Variants in PCDHA10 observed in about 807,000 individuals in gnomAD.
PCDHA10 encodes the protein protocadherin alpha-10.
Under a neutral mutation model 61.2 loss-of-function variants are expected in PCDHA10, and 45 were observed. The ratio of observed to expected loss-of-function variants is 0.74; its 90% CI spans 0.58 to 0.94. The LOEUF (loss-of-function observed/expected upper bound fraction) is 0.94. Among genes scored for constraint, PCDHA10 ranks in the 40% least tolerant of loss-of-function variants. The pLI is 0.00. For synonymous variants in PCDHA10, 602 were observed against 548.8 expected, an observed-to-expected ratio of 1.10 and a Z score of -1.35; for missense variants, 1,278 against 1,236.2, an observed-to-expected ratio of 1.03 and a Z score of -0.51.
rs1230491450 is a variant in PCDHA10 at position 140,857,532 on chromosome 5, AGCGGCG to A, written c.1486_1491del (p.Arg496_Arg497del). On this transcript the variant is annotated inframe_deletion, in exon 1 of 4. Coordinates refer to ENST00000307360, the MANE Select transcript of PCDHA10 (RefSeq NM_018901.4). ...GCCCTGGTGTCCTACTCTCTGGTGG[AGCGGCG>A]GTTGGGCGAGCGCTCGCTGTCGAGC... 2 of 1,597,258 alleles carry A rather than the reference AGCGGCG, an allele frequency of 1.3e-6. No homozygotes were observed. The highest frequency in any genetic ancestry group is 2.7e-5 in the African/African-American group (2 of 74,368).
intron 1 of PCDHA10, among the ~76,000 whole-genome samples, chr5:140,891,046 C>T (rs576145840): frequency 6.6e-6 from 1 of 152,270 alleles, no homozygotes; most frequent in African/African-American, 2.4e-5. Context: ...GTGACCCCCA[C>T]AGCACATAGT....
intron 1 of PCDHA10, among the ~76,000 whole-genome samples, chr5:140,923,970 C>T (rs2081601306): frequency 2.6e-5 from 4 of 152,220 alleles, no homozygotes; most frequent in Admixed American, 2.6e-4. Flanking sequence ...TATACCCACA[C>T]ATACTATCCC....
intron 1 of PCDHA10, among the ~76,000 whole-genome samples, chr5:140,935,276 T>TA (rs1447867343): frequency 6.6e-6 from 1 of 152,226 alleles, no homozygotes; most frequent in African/African-American, 2.4e-5. Flanking sequence ...ACTAATCTAA[T>TA]AAAGTTCAGC....
chr5:140,861,768 T>TACCA (rs3834243), intron 1 of PCDHA10: 106,057 of 158,892 alleles, frequency 0.67, 35,632 homozygotes, highest in African/African-American at 0.71. Flanking sequence ...TCCCTGGAAA[T>TACCA]ACCAAGAGCA....
intron 1 of PCDHA10, chr5:140,868,931 G>C: frequency 9.2e-7 from 1 of 1,092,440 alleles, no homozygotes; most frequent in Non-Finnish European, 1.3e-6. Context: ...TCATTTAAAG[G>C]TTGGTCTGAA....
At chr5:140,872,910 T>C (rs2053978401) in intron 1 of PCDHA10, among the ~76,000 whole-genome samples, 2 of 152,232 alleles carry the variant, frequency 1.3e-5, no homozygotes, top group African/African-American at 4.8e-5. Context: ...CTCTATCTTG[T>C]AATGCCTTAT....
At chr5:140,993,831 T>C (rs2097584101) in intron 3 of PCDHA10, among the ~76,000 whole-genome samples, 1 of 152,190 alleles carries the variant, frequency 6.6e-6, no homozygotes, top group South Asian at 2.1e-4. Flanking sequence ...CTATACCATA[T>C]AGCCTAGGTA....
intron 1 of PCDHA10, among the ~76,000 whole-genome samples, chr5:140,944,291 G>T (rs155813): frequency 6.6e-6 from 1 of 151,928 alleles, no homozygotes; most frequent in African/African-American, 2.4e-5. Flanking sequence ...GGGCTCAAGC[G>T]ATCCTCCTAC....
chr5:140,957,746 AG>A (rs1173855054), intron 1 of PCDHA10, among the ~76,000 whole-genome samples: 1 of 152,136 alleles, frequency 6.6e-6, no homozygotes, highest in Non-Finnish European at 1.5e-5. Flanking sequence ...CTGACATGAA[AG>A]GATGTTCATT....
chr5:140,985,801 A>G (rs2097171670), intron 3 of PCDHA10, among the ~76,000 whole-genome samples: 1 of 135,588 alleles, frequency 7.4e-6, no homozygotes, highest in Admixed American at 8.6e-5. Flanking sequence ...GTGCAGTGGC[A>G]CGATCTCAGC....
At chr5:140,943,479 TAATA>T (rs1447671932) in intron 1 of PCDHA10, among the ~76,000 whole-genome samples, 1 of 151,960 alleles carries the variant, frequency 6.6e-6, no homozygotes, top group African/African-American at 2.4e-5. Context: ...TACAGTAAAA[TAATA>T]AATAGATGCT....
chr5:140,972,350 A>G (rs897251940), intron 1 of PCDHA10, among the ~76,000 whole-genome samples: 3 of 150,008 alleles, frequency 2.0e-5, no homozygotes, highest in Admixed American at 1.3e-4. Flanking sequence ...GGGTCTCACT[A>G]TGTTGCACAT....
intron 1 of PCDHA10, among the ~76,000 whole-genome samples, chr5:140,923,958 T>C (rs1447655640): frequency 1.3e-5 from 2 of 152,216 alleles, no homozygotes; most frequent in Admixed American, 6.5e-5. Context: ...CACGCCCTAA[T>C]CTATACCCAC....
chr5:140,869,388 G>C lies in PCDHA10; in HGVS notation c.2388+10952G>C, dbSNP rs529836794. On this transcript the variant is annotated intron_variant, in intron 1 of 3. Transcript: ENST00000307360. Reference sequence around the variant, plus strand: ...ATTCTCGGATCGACCGCGAGGAGCTGTGCGGGCAGAGCGCGGAGTGCAGCA... The same window carrying C: ...ATTCTCGGATCGACCGCGAGGAGCTCTGCGGGCAGAGCGCGGAGTGCAGCA... 3.7e-6 allele frequency: 6 copies of C among 1,614,204 alleles called. No homozygotes were observed. The African/African-American group carries it at 6.7e-5, about 18-fold the overall frequency.
chr5:140,939,340 A>G (rs1337369012), intron 1 of PCDHA10, among the ~76,000 whole-genome samples: 1 of 152,178 alleles, frequency 6.6e-6, no homozygotes, highest in Non-Finnish European at 1.5e-5. Flanking sequence ...AGGGGTTAGC[A>G]TTTCAACTTA....
At position 140,946,093 on chromosome 5, in the gene PCDHA10, T is replaced by A. The variant is rs1171535500; in HGVS notation, c.2389-32856T>A. Among the ~76,000 whole-genome samples, 4 of 151,584 alleles carry A rather than the reference T, an allele frequency of 2.6e-5. No homozygotes were observed. In the East Asian group the frequency reaches 7.7e-4, roughly 29 times the overall value. ...TGCAAACCACAGATCTGATAAGGAG[T>A]TAACATACCAAATATATAAGGAACT... is the stretch of plus-strand genomic sequence containing the variant. On this transcript the variant is annotated intron_variant, in intron 1 of 3. Transcript: ENST00000307360.
Position 140,858,299 on chromosome 5 carries a change from C to A in PCDHA10, c.2251C>A (p.Gln751Lys). The change falls in exon 1 of 4, where the codon CAG becomes AAG. Residue 751 changes from glutamine to lysine, a missense_variant. Gln to Lys is a moderately conservative substitution (Grantham distance 53). Transcript: ENST00000307360. ...SAVGSWSYSQ[Q>K]RRQRVCSGEG... ...GGTGGGGAGCTGGTCTTACTCGCAG[C>A]AGAGGCGGCAGAGGGTGTGTTCTGG... is the stretch of plus-strand genomic sequence containing the variant. 6.3e-7 allele frequency: 1 copy of A among 1,597,210 alleles called. No homozygotes were observed. The highest frequency in any genetic ancestry group is 8.6e-7 in the Non-Finnish European group (1 of 1,167,046).
chr5:140,991,227 A>G (rs1172819040), intron 3 of PCDHA10, among the ~76,000 whole-genome samples: 2 of 152,224 alleles, frequency 1.3e-5, no homozygotes, highest in African/African-American at 4.8e-5. Flanking sequence ...TCATTAATAA[A>G]TGCAGTGGTA....
rs112848471 is a variant in PCDHA10, at chr5:140,995,109, C to G, written c.2536+12546C>G. ...TATCTGTGGAGATACATTCCAAGAC[C>G]CTCAGTGGATGCCTGAAACCTCATT... On this transcript the variant is annotated intron_variant, in intron 3 of 3. Transcript: ENST00000307360. Among the ~76,000 whole-genome samples, 792 of 152,268 alleles carry G rather than the reference C, an allele frequency of 5.2e-3. 8 individuals are homozygous for G. Among genetic ancestry groups the G allele is most frequent in the African/African-American group, 0.019 (770 of 41,540 alleles).
Sources: gnomAD v4.1 joint callset for allele counts (sites outside exome capture counted in the v4.1 genomes callset) on GRCh38, gnomAD v4.1.1 for gene constraint, MANE v1.5 for transcripts, NCBI Gene and HGNC (gene_info 2026-07-23, HGNC 2026-07-21) for gene names.